The following CLVS2 variants were observed in gnomAD, a reference collection of about 807,000 sequenced individuals.
CLVS2 encodes the protein clavesin-2.
Under a neutral mutation model 29.0 loss-of-function variants are expected in CLVS2, and 19 were observed. The ratio of observed to expected loss-of-function variants is 0.66; its 90% CI spans 0.46 to 0.96. CLVS2 has a LOEUF of 0.96. Among genes scored for constraint, CLVS2 ranks in the 40% least tolerant of loss-of-function variants. CLVS2 has a pLI of 0.00. For synonymous variants in CLVS2, 161 were observed against 151.3 expected (o/e 1.06, Z -0.47); for missense variants, 294 against 404.1 (o/e 0.73, Z 2.34).
At chr6:123,033,440 G>C (rs1237290080) in intron 3 of CLVS2, among the ~76,000 whole-genome samples, 1 of 152,002 alleles carries the variant, frequency 6.6e-6, no homozygotes, top group Non-Finnish European at 1.5e-5. Flanking sequence ...TGAGAAAAGT[G>C]CAAAAGCAAT....
intron 3 of CLVS2, among the ~76,000 whole-genome samples, chr6:123,035,235 G>A (rs9372733): frequency 0.71 from 107,458 of 151,820 alleles, 38,331 homozygotes; most frequent in East Asian, 0.91. Flanking sequence ...TACAAGTGAA[G>A]GGTTTTTTGA....
chr6:122,997,543 T>G lies in CLVS2; in HGVS notation c.-235T>G. ...GAAAGAGGGAGCCAAAGTAGGGTGT[T>G]GTATTTTAGGGGGCAGAGGAAGAAG... On this transcript the variant is annotated 5_prime_UTR_variant, in exon 2 of 6. Coordinates refer to ENST00000275162, the MANE Select transcript of CLVS2 (RefSeq NM_001010852.4). 1 of 569,672 alleles carries G rather than the reference T, an allele frequency of 1.8e-6. No homozygotes were observed. Among genetic ancestry groups the G allele is most frequent in the South Asian group, 2.3e-5 (1 of 43,422 alleles). 35.3% of individuals were successfully genotyped at this position (569,672 alleles called of 1,614,324 possible).
At position 122,997,839 on chromosome 6, in the gene CLVS2, A is replaced by G. The variant is rs903226635; in HGVS notation, c.62A>G (p.Asn21Ser). The change falls in exon 2 of 6, where the codon AAT (asparagine) becomes AGT (serine). Residue 21 changes from asparagine (N) to serine (S), a missense_variant. By Grantham distance (46) the Asn-to-Ser change is conservative. Coordinates refer to ENST00000275162, the MANE Select transcript of CLVS2 (RefSeq NM_001010852.4). ...ETLEKARLEL[N>S]ENPDTLHQDI... Reference sequence around the variant, plus strand: ...CTGGAGAAAGCTCGCCTGGAGCTCAATGAAAACCCAGACACGCTGCACCAG... The same window carrying G: ...CTGGAGAAAGCTCGCCTGGAGCTCAGTGAAAACCCAGACACGCTGCACCAG... 9 of 1,614,030 alleles carry G rather than the reference A, an allele frequency of 5.6e-6. No homozygotes were observed. In the African/African-American group the frequency reaches 6.7e-5, roughly 12 times the overall value.
chr6:123,037,778 T>C (rs1447571517), intron 3 of CLVS2, among the ~76,000 whole-genome samples: 2 of 152,166 alleles, frequency 1.3e-5, no homozygotes, highest in African/African-American at 2.4e-5. Context: ...TACTTGCTAC[T>C]GCTGTTTTTT....
intron 3 of CLVS2, among the ~76,000 whole-genome samples, chr6:123,043,277 T>A (rs1009487086): frequency 4.6e-5 from 7 of 152,226 alleles, no homozygotes; most frequent in African/African-American, 1.2e-4. Flanking sequence ...ATGATTTTTT[T>A]AAATTATACT....
At chr6:123,062,685 G>A (rs958747339) in intron 5 of CLVS2, among the ~76,000 whole-genome samples, 8 of 151,914 alleles carry the variant, frequency 5.3e-5, no homozygotes, top group South Asian at 4.2e-4. Context: ...AATTAGTTCC[G>A]TTGCTGTTCT....
chr6:123,021,969 G>A (rs1012345219), intron 3 of CLVS2, among the ~76,000 whole-genome samples: 1 of 151,884 alleles, frequency 6.6e-6, no homozygotes, highest in African/African-American at 2.4e-5. Flanking sequence ...TTTAGTCTTT[G>A]TGTGCCCATA....
In CLVS2 at chr6:123,063,779, C is replaced by T. The variant is rs372999247; in HGVS notation, c.*18C>T. On this transcript the variant is annotated 3_prime_UTR_variant, in exon 6 of 6. Transcript: ENST00000275162. ...TGGACTAATAACTTCTCTACATCCC[C>T]TTCATGGATTAGAAATGGAAAGTAT... 13 of 1,509,228 alleles carry T rather than the reference C, an allele frequency of 8.6e-6. No individual in the cohort carries two copies. The highest frequency in any genetic ancestry group is 1.1e-5 in the Non-Finnish European group (12 of 1,085,650). 93.5% of individuals were successfully genotyped at this position (1,509,228 alleles called of 1,614,324 possible).
chr6:123,038,059 A>G (rs1775178800), intron 3 of CLVS2, among the ~76,000 whole-genome samples: 1 of 152,132 alleles, frequency 6.6e-6, no homozygotes, highest in Non-Finnish European at 1.5e-5. Flanking sequence ...TCAACTCCAG[A>G]CAAACAGTTT....
chr6:123,063,830 T>G lies in CLVS2; in HGVS notation c.*69T>G. 9.7e-7 allele frequency: 1 copy of G among 1,026,078 alleles called. No homozygotes were observed. Among genetic ancestry groups the G allele is most frequent in the Non-Finnish European group, 1.5e-6 (1 of 660,844 alleles). 63.6% of individuals were successfully genotyped at this position (1,026,078 alleles called of 1,614,324 possible). A position where few individuals can be genotyped will look rare whatever the true frequency, so the allele number is the denominator to read the frequency against. On this transcript the variant is annotated 3_prime_UTR_variant, in exon 6 of 6. Coordinates refer to ENST00000275162, the MANE Select transcript of CLVS2 (RefSeq NM_001010852.4). ...TGGTTTTCAGCAACAGGGACAACAC[T>G]GTAGAGGAATTACCAGCTGGAAACC...
Position 123,068,933 on chromosome 6 carries a change from C to T in CLVS2, c.*5172C>T, listed in dbSNP as rs1035388309. 1.3e-5 allele frequency: 2 copies of T among 151,290 alleles called. No individual in the cohort carries two copies. Among genetic ancestry groups the T allele is most frequent in the African/African-American group, 4.8e-5 (2 of 41,270 alleles). 9.4% of individuals were successfully genotyped at this position (151,290 alleles called of 1,614,324 possible). ...CATTGTTAATGTTAAATTTGGTAGT[C>T]CTGGATCTGCTGCATCTATAAAATG... On this transcript the variant is annotated 3_prime_UTR_variant, in exon 6 of 6. Coordinates refer to ENST00000275162, the MANE Select transcript of CLVS2 (RefSeq NM_001010852.4).
chr6:123,035,336 A>G (rs185900105), intron 3 of CLVS2, among the ~76,000 whole-genome samples: 215 of 152,234 alleles, frequency 1.4e-3, no homozygotes, highest in Non-Finnish European at 2.7e-3. Context: ...ATACCCATAC[A>G]AACATGAACA....
chr6:123,059,615 G>T (rs1772745946), intron 5 of CLVS2, among the ~76,000 whole-genome samples: 1 of 152,124 alleles, frequency 6.6e-6, no homozygotes, highest in Non-Finnish European at 1.5e-5. Context: ...GACCTCACTG[G>T]CTTCTTTGGG....
At chr6:123,000,053 G>A (rs1002336963) in intron 2 of CLVS2, among the ~76,000 whole-genome samples, 4 of 152,016 alleles carry the variant, frequency 2.6e-5, no homozygotes, top group African/African-American at 7.2e-5. Context: ...TAATGGAAAC[G>A]GAGTTAATAA....
At chr6:123,048,815 T>C in intron 4 of CLVS2, 83 bp downstream of exon 4, 1 of 835,882 alleles carries the variant, frequency 1.2e-6, no homozygotes, top group Non-Finnish European at 2.0e-6. Context: ...ATGTTAGCTA[T>C]AGTAAAATGT....
chr6:123,045,019 T>G (rs1353657670), intron 3 of CLVS2, among the ~76,000 whole-genome samples: 1 of 152,156 alleles, frequency 6.6e-6, no homozygotes, highest in African/African-American at 2.4e-5. Context: ...TTGTGAGTGA[T>G]CAGTAATCCT....
intron 3 of CLVS2, among the ~76,000 whole-genome samples, chr6:123,027,068 C>G (rs1447235516): frequency 6.6e-6 from 1 of 151,980 alleles, no homozygotes; most frequent in South Asian, 2.1e-4. Context: ...TTATGGGTAT[C>G]GTAATGAGTC....
intron 3 of CLVS2, among the ~76,000 whole-genome samples, chr6:123,014,212 T>C (rs1442908107): frequency 6.6e-6 from 1 of 152,114 alleles, no homozygotes; most frequent in Non-Finnish European, 1.5e-5. Flanking sequence ...GTATTTCTAG[T>C]TCAAGATCCC....
In CLVS2 at chr6:123,055,932, C is replaced by G. The variant is rs1361769098; in HGVS notation, c.802C>G (p.His268Asp). ...MGTWARTLLD[H>D]EYDDDSEYNV... Reference sequence around the variant, plus strand: ...GACATGGGCAAGAACACTGCTAGACCATGAATATGACGATGACAGCGAGTA... The same window carrying G: ...GACATGGGCAAGAACACTGCTAGACGATGAATATGACGATGACAGCGAGTA... Residue 268 changes from histidine to aspartate, a missense_variant, in exon 5 of 6, where the codon CAT becomes GAT. Physicochemically the swap from His to Asp is moderately conservative, Grantham distance 81. Coordinates refer to ENST00000275162, the MANE Select transcript of CLVS2 (RefSeq NM_001010852.4). 1 of 1,613,870 alleles carries G rather than the reference C, an allele frequency of 6.2e-7. No homozygotes were observed. The highest frequency in any genetic ancestry group is 1.3e-5 in the African/African-American group (1 of 74,904).
Sources: allele counts gnomAD v4.1 joint callset (sites outside exome capture counted in the v4.1 genomes callset), GRCh38; gene constraint gnomAD v4.1.1; transcripts MANE v1.5; gene names NCBI Gene and HGNC (gene_info 2026-07-23, HGNC 2026-07-21).